The following DISP2 variants were observed in gnomAD, a reference collection of about 807,000 sequenced individuals.
DISP2 encodes the protein protein dispatched homolog 2.
A neutral mutation model predicts 95.5 loss-of-function variants in DISP2; 59 were observed. The observed-to-expected ratio is 0.62, with a 90% CI of 0.50 to 0.77. The LOEUF (loss-of-function observed/expected upper bound fraction) is 0.77. Ranked by LOEUF, DISP2 falls within the 30% of genes least tolerant of loss-of-function variation. The pLI, the probability that DISP2 is intolerant of heterozygous loss-of-function variation, is 0.00. For synonymous variants in DISP2, 827 were observed against 815.0 expected (o/e 1.01, Z -0.25); for missense variants, 1,752 against 1,854.6 (o/e 0.94, Z 1.02).
In DISP2 at chr15:40,368,858, G is replaced by A. The variant is rs1473752422; in HGVS notation, c.2746G>A (p.Asp916Asn). The change falls in exon 8 of 8, where the codon GAC (aspartate) becomes AAC (asparagine). Residue 916 changes from aspartate (D) to asparagine (N), a missense_variant. By Grantham distance (23) the Asp-to-Asn change is conservative. This residue lies in a region of DISP2 where 317 missense variants were observed against 394.9 expected (regional missense o/e 0.80). Coordinates refer to ENST00000267889, the MANE Select transcript of DISP2 (RefSeq NM_033510.3). ...QFQTNFRNSP[D>N]YNQTQLFYNE... ...CCAGACCAACTTCCGGAACAGTCCG[G>A]ACTACAACCAGACCCAGCTCTTCTA... is the stretch of plus-strand genomic sequence containing the variant. The A allele has an allele frequency of 1.2e-6, 2 of 1,613,924 alleles. No individual in the cohort carries two copies. The highest frequency in any genetic ancestry group is 1.1e-5 in the South Asian group (1 of 91,092).
chr15:40,365,965 G>A (rs933033759), intron 7 of DISP2, among the ~76,000 whole-genome samples: 10 of 152,258 alleles, frequency 6.6e-5, no homozygotes, highest in African/African-American at 1.2e-4. Context: ...CAGGGACTGC[G>A]GGTTTCCAAA....
chr15:40,363,168 G>A (rs974927967), intron 1 of DISP2, among the ~76,000 whole-genome samples: 6 of 151,048 alleles, frequency 4.0e-5, no homozygotes, highest in Non-Finnish European at 5.9e-5. Flanking sequence ...AAAAATTAGC[G>A]AGTCGTGATG....
intron 1 of DISP2, among the ~76,000 whole-genome samples, chr15:40,361,220 C>T (rs551958996): frequency 6.6e-6 from 1 of 152,284 alleles, no homozygotes; most frequent in South Asian, 2.1e-4. Flanking sequence ...TTTAATGCAG[C>T]TTTTGGATAA....
Position 40,368,121 on chromosome 15 carries a change from T to G in DISP2, c.2009T>G (p.Leu670Arg). The G allele has an allele frequency of 7.1e-7, 1 of 1,406,690 alleles. No individual in the cohort carries two copies. The highest frequency in any genetic ancestry group is 9.2e-7 in the Non-Finnish European group (1 of 1,088,162). The allele number at this position is 1,406,690 out of a possible 1,614,324, so 87.1% of individuals were successfully genotyped here. Residue 670 changes from leucine to arginine, a missense_variant, in exon 8 of 8, where the codon CTG becomes CGG. Transcript: ENST00000267889. ...WEGSAPRRLL[L>R]ALHRRLRGLR... The stretch of plus-strand genomic sequence containing the variant: ...GGCAGCGCGCCCCGGCGGCTACTGC[T>G]GGCGCTGCACCGGCGGCTCCGCGGC...
chr15:40,370,217 C>G lies in DISP2; in HGVS notation c.4105C>G (p.Pro1369Ala), dbSNP rs1392848786. 2 of 1,609,042 alleles carry G rather than the reference C, an allele frequency of 1.2e-6. No homozygotes were observed. The highest frequency in any genetic ancestry group is 1.7e-5 in the Admixed American group (1 of 59,674). The change falls in exon 8 of 8, where the codon CCA (proline) becomes GCA (alanine). Residue 1369 changes from proline (P) to alanine (A), a missense_variant. Around this residue, in one of 5 missense-constraint regions of DISP2, gnomAD observed 347 missense variants for 344.2 expected, o/e 1.01. Transcript: ENST00000267889. ...CTTGTCCTGGAAGGGCCGAGGGGGG[C>G]CAGGGGATGGCAGCCCTGTGGTGCT... ...SSLSWKGRGG[P>A]GDGSPVVLPN...
rs1487435912 is a variant in DISP2 at position 40,377,266 on chromosome 15, G to C, written c.*6948G>C. The C allele has an allele frequency of 6.6e-6, 1 of 151,730 alleles. No homozygotes were observed. The highest frequency in any genetic ancestry group is 1.5e-5 in the Non-Finnish European group (1 of 68,002). 9.4% of individuals were successfully genotyped at this position (151,730 alleles called of 1,614,324 possible). A position where few individuals can be genotyped will look rare whatever the true frequency, so the allele number is the denominator to read the frequency against. On this transcript the variant is annotated 3_prime_UTR_variant, in exon 8 of 8. Transcript: ENST00000267889. The stretch of plus-strand genomic sequence containing the variant: ...GTGAACCCGGGAGGCGGAGCTTGCA[G>C]TGAGCCGAGATTGCGCCACTGCACT...
In DISP2 at chr15:40,358,382, GA is replaced by G; in HGVS notation, c.63del (p.Glu23SerfsTer142). ...GSGPAPGPGP[E>X]GEQRPEGEPL... ...CGGTCCGGCTCCCGGCCCGGGTCCG[GA>G]AGGGGAGCAACGGCCCGAGGGGGAG... On this transcript the variant is annotated frameshift_variant, in exon 1 of 8. Transcript: ENST00000267889. LOFTEE classifies it high-confidence loss of function. 7.3e-7 allele frequency: 1 copy of G among 1,368,092 alleles called. No individual in the cohort carries two copies. The highest frequency in any genetic ancestry group is 1.7e-5 in the South Asian group (1 of 59,164). The allele number at this position is 1,368,092 out of a possible 1,614,324, so 84.7% of individuals were successfully genotyped here.
chr15:40,361,607 C>T (rs1012158823), intron 1 of DISP2, among the ~76,000 whole-genome samples: 2 of 152,358 alleles, frequency 1.3e-5, no homozygotes, highest in South Asian at 2.1e-4. Context: ...CCCATTTCAC[C>T]CTCAGCATGA....
In DISP2 at chr15:40,369,934, G is replaced by C. The variant is rs369792009; in HGVS notation, c.3822G>C (p.Lys1274Asn). ...PEAPAHSPKAKAADPPDGFCS... is the reference protein window; with the variant it reads ...PEAPAHSPKANAADPPDGFCS... ...CCCCAGCCCACTCTCCTAAGGCCAA[G>C]GCTGCAGATCCTCCTGATGGCTTCT... The change falls in exon 8 of 8, where the codon AAG becomes AAC. Residue 1274 changes from lysine to asparagine, a missense_variant. This residue lies in a region of DISP2 where 347 missense variants were observed against 344.2 expected (regional missense o/e 1.01). Transcript: ENST00000267889. 1 of 1,599,522 alleles carries C rather than the reference G, an allele frequency of 6.3e-7. No homozygotes were observed.
rs768372714 is a variant in DISP2, at chr15:40,365,735, T to C, written c.945+10T>C. ...CATGGAACAGGACCAGGTGAGCTGG[T>C]GGGGGAGGTGCCAGGGGTTTGGGGG... On this transcript the variant is annotated intron_variant, in intron 7 of 7. Transcript: ENST00000267889. The C allele has an allele frequency of 3.3e-5, 54 of 1,612,502 alleles. No individual in the cohort carries two copies. Among genetic ancestry groups the C allele is most frequent in the Non-Finnish European group, 4.3e-5 (51 of 1,179,514 alleles).
rs1260950575 is a variant in DISP2 at position 40,368,027 on chromosome 15, G to T, written c.1915G>T (p.Ala639Ser). 6.5e-7 allele frequency: 1 copy of T among 1,532,406 alleles called. No homozygotes were observed. 94.9% of individuals were successfully genotyped at this position (1,532,406 alleles called of 1,614,324 possible). A position where few individuals can be genotyped will look rare whatever the true frequency, so the allele number is the denominator to read the frequency against. ...HLALTLVWLP[A>S]SAVLHERYLA... ...GGCGCTCACGCTGGTCTGGCTGCCC[G>T]CCTCCGCCGTGCTCCACGAGCGCTA... The change falls in exon 8 of 8, where the codon GCC becomes TCC. Residue 639 changes from alanine (A) to serine (S), a missense_variant. Ala to Ser is a moderately conservative substitution (Grantham distance 99). This residue lies in a region of DISP2 where 732 missense variants were observed against 714.6 expected (regional missense o/e 1.02). Transcript: ENST00000267889.
Position 40,371,158 on chromosome 15 carries a change from C to T in DISP2, c.*840C>T, listed in dbSNP as rs1184508040. 6.5e-6 allele frequency: 1 copy of T among 153,580 alleles called. No homozygotes were observed. The highest frequency in any genetic ancestry group is 6.4e-5 in the Admixed American group (1 of 15,600). 9.5% of individuals were successfully genotyped at this position (153,580 alleles called of 1,614,324 possible). ...CAATTTATAGGTAAAGACATTGAGACTAAGTAAGATGAACTGACCTCAGGG... is the reference window on the plus strand; with the variant it reads ...CAATTTATAGGTAAAGACATTGAGATTAAGTAAGATGAACTGACCTCAGGG... On this transcript the variant is annotated 3_prime_UTR_variant, in exon 8 of 8. Transcript: ENST00000267889.
rs1335621678 is a variant in DISP2 at position 40,369,677 on chromosome 15, C to T, written c.3565C>T (p.Pro1189Ser). The change falls in exon 8 of 8, where the codon CCC becomes TCC. Residue 1189 changes from proline to serine, a missense_variant. Pro to Ser is a moderately conservative substitution (Grantham distance 74, BLOSUM62 -1). Coordinates refer to ENST00000267889, the MANE Select transcript of DISP2 (RefSeq NM_033510.3). ...AGCCACCAGCAAGCTGTCCCACCGG[C>T]CCTCAGTACTCTCTGAGGATCTGCA... ...STATSKLSHR[P>S]SVLSEDLQLH... The T allele has an allele frequency of 6.2e-7, 1 of 1,612,126 alleles. No homozygotes were observed. Among genetic ancestry groups the T allele is most frequent in the Non-Finnish European group, 8.5e-7 (1 of 1,180,006 alleles).
chr15:40,368,106 C>CCCGGCGGCTACTGCTGGCGCTGCA lies in DISP2; in HGVS notation c.2004_2027dup (p.Leu669_Leu676dup). On this transcript the variant is annotated inframe_insertion, in exon 8 of 8. Transcript: ENST00000267889. ...CGGGGCCGGTGGGAGGGCAGCGCGC[C>CCCGGCGGCTACTGCTGGCGCTGCA]CCGGCGGCTACTGCTGGCGCTGCAC... 7.4e-7 allele frequency: 1 copy of CCCGGCGGCTACTGCTGGCGCTGCA among 1,355,716 alleles called. No individual in the cohort carries two copies. The highest frequency in any genetic ancestry group is 9.4e-7 in the Non-Finnish European group (1 of 1,063,466). The allele number at this position is 1,355,716 out of a possible 1,614,324, so 84.0% of individuals were successfully genotyped here. A position where few individuals can be genotyped will look rare whatever the true frequency, so the allele number is the denominator to read the frequency against.
intron 4 of DISP2, 57 bp downstream of exon 4, chr15:40,364,601 G>A: frequency 6.3e-7 from 1 of 1,587,228 alleles, no homozygotes; most frequent in African/African-American, 1.3e-5. Flanking sequence ...GACCCAGCCT[G>A]GGGCAGAAAG....
intron 5 of DISP2, 63 bp downstream of exon 5, chr15:40,365,016 G>C: frequency 6.2e-7 from 1 of 1,600,946 alleles, no homozygotes; most frequent in South Asian, 1.1e-5. Flanking sequence ...TCAGGAAGGG[G>C]ACATTGGGTG....
Position 40,365,209 on chromosome 15 carries a change from G to A in DISP2, c.782G>A (p.Arg261Gln), listed in dbSNP as rs777051988. Residue 261 changes from arginine to glutamine, a missense_variant, in exon 6 of 8, where the codon CGG becomes CAG. Transcript: ENST00000267889. ...PRGSAQESAV[R>Q]PRRMVEPLED... Reference sequence around the variant, plus strand: ...GGCAGTGCCCAGGAGAGCGCTGTCCGGCCTCGGAGAATGGTGGAGCCCCTG... The same window carrying A: ...GGCAGTGCCCAGGAGAGCGCTGTCCAGCCTCGGAGAATGGTGGAGCCCCTG... The A allele has an allele frequency of 3.4e-5, 55 of 1,614,032 alleles. No individual in the cohort carries two copies. The highest frequency in any genetic ancestry group is 4.5e-5 in the Non-Finnish European group (53 of 1,180,040).
At position 40,375,053 on chromosome 15, in the gene DISP2, C is replaced by T. The variant is rs979189679; in HGVS notation, c.*4735C>T. 4 of 152,238 alleles carry T rather than the reference C, an allele frequency of 2.6e-5. No individual in the cohort carries two copies. The highest frequency in any genetic ancestry group is 9.6e-5 in the African/African-American group (4 of 41,454). 9.4% of individuals were successfully genotyped at this position (152,238 alleles called of 1,614,324 possible). A position where few individuals can be genotyped will look rare whatever the true frequency, so the allele number is the denominator to read the frequency against. On this transcript the variant is annotated 3_prime_UTR_variant, in exon 8 of 8. Transcript: ENST00000267889. Reference sequence around the variant, plus strand: ...AGACATTCCTCACCCTTTCTACCCACACCCTTGTTCACAGGGATGACTGTA... The same window carrying T: ...AGACATTCCTCACCCTTTCTACCCATACCCTTGTTCACAGGGATGACTGTA...
In DISP2 at chr15:40,370,358, C is replaced by A; in HGVS notation, c.*40C>A. ...GGCTGGACAGGGCGCGGAACCCTGT[C>A]ATGGATGACAAGGCAAGGGCAGCAA... On this transcript the variant is annotated 3_prime_UTR_variant, in exon 8 of 8. Coordinates refer to ENST00000267889, the MANE Select transcript of DISP2 (RefSeq NM_033510.3). The A allele has an allele frequency of 1.3e-6, 2 of 1,508,000 alleles. No homozygotes were observed. Among genetic ancestry groups the A allele is most frequent in the South Asian group, 2.6e-5 (2 of 76,090 alleles). The allele number at this position is 1,508,000 out of a possible 1,614,324, so 93.4% of individuals were successfully genotyped here. A position where few individuals can be genotyped will look rare whatever the true frequency, so the allele number is the denominator to read the frequency against.
Sources: gnomAD v4.1 joint callset for allele counts (sites outside exome capture counted in the v4.1 genomes callset) on GRCh38, gnomAD v4.1.1 for gene constraint, gnomAD v4.1.1 regional missense constraint, MANE v1.5 for transcripts, NCBI Gene and HGNC (gene_info 2026-07-23, HGNC 2026-07-21) for gene names.